FAM135B: variants seen among roughly 807,000 people sequenced by gnomAD.
FAM135B encodes protein FAM135B.
In FAM135B, 43 loss-of-function variants were observed where a neutral mutation model predicts 127.7. That is an observed-to-expected ratio of 0.34 (90% CI 0.26 to 0.43). The LOEUF is 0.43. Ranked by LOEUF, FAM135B falls within the 20% of genes least tolerant of loss-of-function variation. The probability of loss-of-function intolerance (pLI) is 1.00; values close to 1 mark genes in which losing one functional copy is unlikely to be tolerated. For missense variants in FAM135B, 1,558 were observed against 1,725.6 expected (o/e 0.90, Z 1.72); for synonymous variants, 670 against 665.1 (o/e 1.01, Z -0.11).
chr8:138,175,528 C>T (rs1337105887), intron 11 of FAM135B, among the ~76,000 whole-genome samples: 3 of 152,220 alleles, frequency 2.0e-5, no homozygotes, highest in African/African-American at 4.8e-5. Context: ...AGCCCATTCA[C>T]GCTGGTTTGC....
At chr8:138,371,582 G>C (rs543709380) in intron 1 of FAM135B, among the ~76,000 whole-genome samples, 1 of 152,240 alleles carries the variant, frequency 6.6e-6, no homozygotes, top group East Asian at 1.9e-4. Flanking sequence ...CTCAGGAAGA[G>C]GGCAGGACAT....
At chr8:138,230,501 C>T (rs1819829668) in intron 7 of FAM135B, among the ~76,000 whole-genome samples, 2 of 152,192 alleles carry the variant, frequency 1.3e-5, no homozygotes, top group African/African-American at 2.4e-5. Flanking sequence ...CATGGGTCTA[C>T]AGTAGTTCTC....
intron 12 of FAM135B, among the ~76,000 whole-genome samples, chr8:138,167,272 T>G (rs1164720697): frequency 6.6e-6 from 1 of 152,192 alleles, no homozygotes; most frequent in Non-Finnish European, 1.5e-5. Flanking sequence ...CTCGGTTCAC[T>G]GCAACCTCTG....
At chr8:138,341,108 A>C (rs997544631) in intron 2 of FAM135B, among the ~76,000 whole-genome samples, 2 of 152,210 alleles carry the variant, frequency 1.3e-5, no homozygotes, top group Non-Finnish European at 2.9e-5. Flanking sequence ...CAGATTTTGC[A>C]TACTCATGTT....
chr8:138,221,294 TAG>T (rs1819007018), intron 7 of FAM135B, among the ~76,000 whole-genome samples: 1 of 151,734 alleles, frequency 6.6e-6, no homozygotes, highest in Non-Finnish European at 1.5e-5. Flanking sequence ...GTAGGAGCAA[TAG>T]AGAGAGCAGG....
chr8:138,275,569 C>A (rs558810923), intron 3 of FAM135B, among the ~76,000 whole-genome samples: 11 of 152,048 alleles, frequency 7.2e-5, no homozygotes, highest in African/African-American at 2.7e-4. Flanking sequence ...GTGGTGTGTG[C>A]CTATAATCCT....
Position 138,152,007 on chromosome 8 carries a change from G to A in FAM135B, c.2468C>T (p.Ala823Val), listed in dbSNP as rs2130752198. ...CTCCACCAGGGGATGGTCTGCTCCAGCATCTGTTCCAGAGTCACCACAAAG... is the reference window on the plus strand; with the variant it reads ...CTCCACCAGGGGATGGTCTGCTCCAACATCTGTTCCAGAGTCACCACAAAG... ...SQLCGDSGTD[A>V]GADHPLVEIV... The change falls in exon 13 of 20, where the codon GCT becomes GTT. Residue 823 changes from alanine to valine, a missense_variant. Transcript: ENST00000395297. 1 of 1,614,064 alleles carries A rather than the reference G, an allele frequency of 6.2e-7. No homozygotes were observed. The highest frequency in any genetic ancestry group is 2.2e-5 in the East Asian group (1 of 44,842).
intron 7 of FAM135B, among the ~76,000 whole-genome samples, chr8:138,217,589 C>T (rs888150971): frequency 1.3e-5 from 2 of 152,022 alleles, no homozygotes; most frequent in Admixed American, 1.3e-4. Context: ...CACCGCCACA[C>T]CCAGCTAATT....
intron 4 of FAM135B, among the ~76,000 whole-genome samples, chr8:138,257,170 A>G (rs1270604133): frequency 2.6e-5 from 4 of 152,192 alleles, no homozygotes; most frequent in African/African-American, 7.2e-5. Flanking sequence ...CAATGGGATT[A>G]AGTCAGAGCA....
intron 1 of FAM135B, among the ~76,000 whole-genome samples, chr8:138,481,039 C>T (rs185094017): frequency 9.0e-4 from 137 of 152,330 alleles, no homozygotes; most frequent in African/African-American, 3.0e-3. Flanking sequence ...AAACTACTGT[C>T]TGTTACCTCT....
At chr8:138,344,719 G>C (rs924395968) in intron 2 of FAM135B, among the ~76,000 whole-genome samples, 1 of 151,926 alleles carries the variant, frequency 6.6e-6, no homozygotes, top group South Asian at 2.1e-4. Flanking sequence ...GGGACTACAG[G>C]TGCCTGCAAC....
rs186359639 is a variant in FAM135B, at chr8:138,148,889, C to T, written c.3282-203G>A. On this transcript the variant is annotated intron_variant, in intron 13 of 19. Coordinates refer to ENST00000395297, the MANE Select transcript of FAM135B (RefSeq NM_015912.4). ...AGGCAGGAAAGCACTCTATAAAAAC[C>T]AAACACCGCATGTTCTCACTCATAG... 4.9e-3 allele frequency: 1,547 copies of T among 315,330 alleles called. 5 individuals carry two copies. Among genetic ancestry groups the T allele is most frequent in the Non-Finnish European group, 6.9e-3 (1,204 of 174,426 alleles). The allele number at this position is 315,330 out of a possible 1,614,324, so 19.5% of individuals were successfully genotyped here.
chr8:138,406,905 G>C (rs1483635822), intron 1 of FAM135B, among the ~76,000 whole-genome samples: 23 of 150,348 alleles, frequency 1.5e-4, no homozygotes, highest in Non-Finnish European at 1.9e-4. Flanking sequence ...GGAAGTTCTG[G>C]CCAGGGCAAT....
In FAM135B at chr8:138,137,279, T is replaced by A. The variant is rs999762436; in HGVS notation, c.3902-19A>T. ...TGCAGCCCTGTAAAAATTAGCCAGA[T>A]GAGTGCTTTTTACCCAGGTAGTTTC... On this transcript the variant is annotated intron_variant, in intron 18 of 19. Coordinates refer to ENST00000395297, the MANE Select transcript of FAM135B (RefSeq NM_015912.4). The A allele has an allele frequency of 7.4e-7, 1 of 1,347,114 alleles. No individual in the cohort carries two copies. The highest frequency in any genetic ancestry group is 1.1e-6 in the Non-Finnish European group (1 of 937,152). The allele number at this position is 1,347,114 out of a possible 1,614,324, so 83.4% of individuals were successfully genotyped here. A position where few individuals can be genotyped will look rare whatever the true frequency, so the allele number is the denominator to read the frequency against.
At chr8:138,421,163 A>C (rs1309370975) in intron 1 of FAM135B, among the ~76,000 whole-genome samples, 1 of 152,148 alleles carries the variant, frequency 6.6e-6, no homozygotes, top group Non-Finnish European at 1.5e-5. Flanking sequence ...TACAAAAAAA[A>C]TTAGCCAGGC....
At chr8:138,387,354 G>A (rs1000168487) in intron 1 of FAM135B, among the ~76,000 whole-genome samples, 10 of 152,072 alleles carry the variant, frequency 6.6e-5, no homozygotes, top group African/African-American at 1.9e-4. Flanking sequence ...CAGTACACAC[G>A]CCTCCTAGTG....
At chr8:138,160,307 C>G (rs1013358253) in intron 12 of FAM135B, among the ~76,000 whole-genome samples, 4 of 152,238 alleles carry the variant, frequency 2.6e-5, no homozygotes, top group African/African-American at 9.6e-5. Flanking sequence ...CTTATGGAAA[C>G]CCACAATTTA....
chr8:138,460,471 A>T (rs1300187106), intron 1 of FAM135B, among the ~76,000 whole-genome samples: 1 of 152,202 alleles, frequency 6.6e-6, no homozygotes, highest in Non-Finnish European at 1.5e-5. Flanking sequence ...TCTCAGAGCC[A>T]ATTCACACCA....
intron 2 of FAM135B, among the ~76,000 whole-genome samples, chr8:138,313,351 C>G (rs189217039): frequency 6.6e-6 from 1 of 152,224 alleles, no homozygotes; most frequent in Admixed American, 6.5e-5. Flanking sequence ...AGGCTGGTCT[C>G]GAACTCCTGA....
Sources: gnomAD v4.1 joint callset for allele counts (sites outside exome capture counted in the v4.1 genomes callset) on GRCh38, gnomAD v4.1.1 for gene constraint, MANE v1.5 for transcripts, NCBI Gene and HGNC (gene_info 2026-07-23, HGNC 2026-07-21) for gene names.